Variants in GRM7 observed in about 807,000 individuals in gnomAD.
The protein encoded by GRM7 is metabotropic glutamate receptor 7.
GRM7 carries 35 observed loss-of-function variants against 84.5 expected under a neutral mutation model. That is an observed-to-expected ratio of 0.41 (90% confidence interval 0.32 to 0.55). GRM7 has a LOEUF of 0.55. Ranked by LOEUF, GRM7 falls within the 20% of genes least tolerant of loss-of-function variation. The probability of loss-of-function intolerance (pLI) is 0.19; values close to 1 mark genes in which losing one functional copy is unlikely to be tolerated. For missense variants in GRM7, 1,003 were observed against 1,194.6 expected (o/e 0.84, Z 2.36); for synonymous variants, 487 against 455.1 (o/e 1.07, Z -0.89).
chr3:7,343,051 A>G (rs891753033), intron 4 of GRM7, among the ~76,000 whole-genome samples: 2 of 152,142 alleles, frequency 1.3e-5, no homozygotes, highest in African/African-American at 2.4e-5. Context: ...TTTAACTAAT[A>G]TTGCTTATTA....
At chr3:7,295,568 C>T (rs1335781131) in intron 2 of GRM7, among the ~76,000 whole-genome samples, 1 of 152,150 alleles carries the variant, frequency 6.6e-6, no homozygotes, top group African/African-American at 2.4e-5. Flanking sequence ...AGCATTGAAT[C>T]TATAGATAGA....
At chr3:7,497,103 T>C (rs988870467) in intron 7 of GRM7, among the ~76,000 whole-genome samples, 27 of 137,496 alleles carry the variant, frequency 2.0e-4, no homozygotes, top group Admixed American at 1.8e-3. Context: ...TATTTAGAAC[T>C]TGTGGCCATG....
intron 8 of GRM7, among the ~76,000 whole-genome samples, chr3:7,588,610 G>A (rs2125061285): frequency 6.6e-6 from 1 of 152,252 alleles, no homozygotes; most frequent in African/African-American, 2.4e-5. Context: ...GTCACAAATA[G>A]TCAATAGAGA....
At position 6,998,060 on chromosome 3, in the gene GRM7, A is replaced by G. The variant is rs367831623; in HGVS notation, c.519+136153A>G. On this transcript the variant is annotated intron_variant, in intron 1 of 9. Coordinates refer to ENST00000357716, the MANE Select transcript of GRM7 (RefSeq NM_000844.4). ...CTTGAACCCACAAGGTGGAGGTTGC[A>G]GTGAGCCAAGATTGCATCATTGCAC... Among the ~76,000 whole-genome samples the G allele has an allele frequency of 3.3e-4, 48 of 144,404 alleles. No individual in the cohort carries two copies. The East Asian group carries it at 9.4e-3, about 28-fold the overall frequency. The allele number at this position is 144,404 out of a possible 152,430, so 94.7% of individuals were successfully genotyped here.
At chr3:7,636,395 CTGTCATTGTT>C in intron 8 of GRM7, 1 of 424,850 alleles carries the variant, frequency 2.4e-6, no homozygotes, top group South Asian at 1.7e-5. Flanking sequence ...TGGACACACA[CTGTCATTGTT>C]TGAAAAATGA....
chr3:7,246,451 G>A (rs541542045), intron 2 of GRM7, among the ~76,000 whole-genome samples: 7 of 152,266 alleles, frequency 4.6e-5, no homozygotes, highest in Admixed American at 1.3e-4. Context: ...TCTCAAGAGC[G>A]TAGACCTCAT....
intron 9 of GRM7, among the ~76,000 whole-genome samples, chr3:7,739,259 A>G (rs150653351): frequency 4.1e-4 from 62 of 152,298 alleles, no homozygotes; most frequent in Admixed American, 1.2e-3. Flanking sequence ...TACTACTTGT[A>G]TTATTCAAAG....
At chr3:7,181,463 AT>A (rs547722107) in intron 2 of GRM7, among the ~76,000 whole-genome samples, 111 of 150,118 alleles carry the variant, frequency 7.4e-4, no homozygotes, top group African/African-American at 1.6e-3. Flanking sequence ...CCATATTCTC[AT>A]TTTTTTTTAA....
chr3:6,959,590 A>G (rs1044855079), intron 1 of GRM7, among the ~76,000 whole-genome samples: 7 of 152,148 alleles, frequency 4.6e-5, no homozygotes, highest in African/African-American at 1.7e-4. Context: ...CTAATACTAG[A>G]CAATATATTA....
At chr3:7,739,349 T>G (rs1702612709) in intron 9 of GRM7, among the ~76,000 whole-genome samples, 1 of 152,242 alleles carries the variant, frequency 6.6e-6, no homozygotes, top group South Asian at 2.1e-4. Context: ...TTAAGAGTTC[T>G]TGAAGAGCTC....
chr3:7,350,932 G>C (rs528559971), intron 4 of GRM7, among the ~76,000 whole-genome samples: 2 of 152,050 alleles, frequency 1.3e-5, no homozygotes, highest in African/African-American at 4.8e-5. Flanking sequence ...CCAGAGGGGT[G>C]ATCTCTGAGG....
intron 1 of GRM7, among the ~76,000 whole-genome samples, chr3:6,888,591 A>G (rs200765595): frequency 1.3e-5 from 2 of 151,778 alleles, no homozygotes; most frequent in African/African-American, 4.8e-5. Flanking sequence ...ATTGATCTAT[A>G]TCTCTGTTTT....
At chr3:6,904,975 G>A (rs942222853) in intron 1 of GRM7, among the ~76,000 whole-genome samples, 3 of 152,060 alleles carry the variant, frequency 2.0e-5, no homozygotes, top group Non-Finnish European at 4.4e-5. Context: ...TGTCCCGGCT[G>A]CCCAAATCGC....
At chr3:7,273,604 A>G (rs540855860) in intron 2 of GRM7, among the ~76,000 whole-genome samples, 1 of 152,118 alleles carries the variant, frequency 6.6e-6, no homozygotes, top group Non-Finnish European at 1.5e-5. Context: ...ATCATGAAAT[A>G]CCCTTTTTGT....
chr3:7,677,261 T>TAAAA, intron 8 of GRM7, among the ~76,000 whole-genome samples: 1 of 103,402 alleles, frequency 9.7e-6, no homozygotes, highest in Non-Finnish European at 1.8e-5. Context: ...GACTCTGTCT[T>TAAAA]TAAAAAAAAA....
At chr3:7,714,417 G>A (rs553576661) in intron 9 of GRM7, among the ~76,000 whole-genome samples, 2 of 152,164 alleles carry the variant, frequency 1.3e-5, no homozygotes, top group Non-Finnish European at 2.9e-5. Flanking sequence ...GTGATAAACA[G>A]AACTTGACAA....
intron 2 of GRM7, among the ~76,000 whole-genome samples, chr3:7,231,966 A>G (rs78755625): frequency 0.022 from 3,420 of 152,316 alleles, 68 homozygotes; most frequent in African/African-American, 0.055. Context: ...AGAGATGTGA[A>G]CAGATAACTA....
chr3:7,516,496 A>G (rs1414295945), intron 7 of GRM7, among the ~76,000 whole-genome samples: 1 of 149,672 alleles, frequency 6.7e-6, no homozygotes, highest in Non-Finnish European at 1.5e-5. Flanking sequence ...AAAAAAAAAA[A>G]AAAAAAAAAG....
intron 2 of GRM7, among the ~76,000 whole-genome samples, chr3:7,187,101 A>G (rs1559491939): frequency 6.6e-6 from 1 of 152,100 alleles, no homozygotes; most frequent in Non-Finnish European, 1.5e-5. Context: ...GTGAGACCCC[A>G]TCTCTTAAAA....
Sources: gnomAD v4.1 joint callset for allele counts (sites outside exome capture counted in the v4.1 genomes callset) on GRCh38, gnomAD v4.1.1 for gene constraint, MANE v1.5 for transcripts, NCBI Gene and HGNC (gene_info 2026-07-23, HGNC 2026-07-21) for gene names.